The following STK39 variants were observed in gnomAD, a reference collection of about 807,000 sequenced individuals.
STK39 encodes the protein STE20/SPS1-related proline-alanine-rich protein kinase.
STK39 carries 20 observed loss-of-function variants against 77.8 expected under a neutral mutation model. The ratio of observed to expected loss-of-function variants is 0.26; its 90% CI spans 0.18 to 0.37. The LOEUF (loss-of-function observed/expected upper bound fraction) is 0.37. Ranked by LOEUF, STK39 falls within the 10% of genes least tolerant of loss-of-function variation. STK39 has a pLI of 1.00. For synonymous variants in STK39, 246 were observed against 234.1 expected (o/e 1.05, Z -0.47); for missense variants, 479 against 656.5 (o/e 0.73, Z 2.95).
chr2:168,172,922 C>T (rs1487555888), intron 2 of STK39, among the ~76,000 whole-genome samples: 1 of 152,170 alleles, frequency 6.6e-6, no homozygotes, highest in East Asian at 1.9e-4. Context: ...ATTGAAATCA[C>T]CTGGGGAGCT....
chr2:168,240,141 AGAAG>A (rs1690723436), intron 1 of STK39, among the ~76,000 whole-genome samples: 1 of 152,232 alleles, frequency 6.6e-6, no homozygotes, highest in Non-Finnish European at 1.5e-5. Flanking sequence ...AATCTTGCCT[AGAAG>A]AGGCATTTCA....
chr2:168,196,524 C>T (rs763802756), intron 1 of STK39, among the ~76,000 whole-genome samples: 5 of 152,082 alleles, frequency 3.3e-5, no homozygotes, highest in Admixed American at 6.5e-5. Flanking sequence ...ATTAGCAGGG[C>T]GGATGCCTGT....
At chr2:168,215,440 A>C (rs546842134) in intron 1 of STK39, among the ~76,000 whole-genome samples, 1 of 152,338 alleles carries the variant, frequency 6.6e-6, no homozygotes, top group African/African-American at 2.4e-5. Flanking sequence ...GAATTAGTTC[A>C]GAGAATACAC....
rs142014892 is a variant in STK39, at chr2:168,233,680, T to C, written c.208+13548A>G. Among the ~76,000 whole-genome samples the C allele has an allele frequency of 8.1e-3, 1,238 of 152,318 alleles. 15 individuals are homozygous for C. Among genetic ancestry groups the C allele is most frequent in the African/African-American group, 0.023 (952 of 41,554 alleles). On this transcript the variant is annotated intron_variant, in intron 1 of 17. Coordinates refer to ENST00000355999, the MANE Select transcript of STK39 (RefSeq NM_013233.3). ...TCACCGTTTAAGTGACTGAAATTAA[T>C]TTTGGTACTATTTTTCCTAATTAGG...
At chr2:168,197,889 T>C (rs1689511975) in intron 1 of STK39, among the ~76,000 whole-genome samples, 1 of 151,722 alleles carries the variant, frequency 6.6e-6, no homozygotes, top group Admixed American at 6.6e-5. Context: ...TACAAAAAAA[T>C]TAGCCAGGCA....
chr2:168,101,745 AT>A (rs1200582502), intron 10 of STK39, among the ~76,000 whole-genome samples: 1 of 152,224 alleles, frequency 6.6e-6, no homozygotes, highest in Non-Finnish European at 1.5e-5. Flanking sequence ...CTCAAAAAAA[AT>A]AAAAACAAAA....
chr2:168,038,456 A>T (rs1436623874), intron 14 of STK39, among the ~76,000 whole-genome samples: 1 of 151,556 alleles, frequency 6.6e-6, no homozygotes, highest in Non-Finnish European at 1.5e-5. Context: ...ATTTAAAAAA[A>T]AAAACCCTCA....
At chr2:168,073,595 C>G (rs1216333787) in intron 12 of STK39, among the ~76,000 whole-genome samples, 2 of 152,062 alleles carry the variant, frequency 1.3e-5, no homozygotes, top group African/African-American at 4.8e-5. Flanking sequence ...CACCCCTGCT[C>G]CTAACAAAGG....
intron 4 of STK39, 38 bp from the exon 5 acceptor site, chr2:168,161,880 C>T: frequency 6.6e-7 from 1 of 1,513,600 alleles, no homozygotes; most frequent in Non-Finnish European, 9.1e-7. Flanking sequence ...TTGTAGGGTA[C>T]AGACTTTATA....
intron 1 of STK39, among the ~76,000 whole-genome samples, chr2:168,235,007 T>G (rs1690561187): frequency 1.3e-5 from 2 of 151,804 alleles, no homozygotes; most frequent in South Asian, 2.1e-4. Flanking sequence ...AAAAAAAATT[T>G]TAGTAGTACC....
chr2:168,056,709 T>C (rs1472610940), intron 14 of STK39, among the ~76,000 whole-genome samples: 1 of 152,206 alleles, frequency 6.6e-6, no homozygotes, highest in Non-Finnish European at 1.5e-5. Context: ...TACATGTAGA[T>C]ATGTATATGT....
intron 14 of STK39, among the ~76,000 whole-genome samples, chr2:168,042,577 C>CTTTTTTTTT (rs540413448): frequency 3.8e-5 from 5 of 133,018 alleles, no homozygotes; most frequent in African/African-American, 8.3e-5. Flanking sequence ...TTCCTTCCTT[C>CTTTTTTTTT]TTTTTTTTTT....
intron 5 of STK39, among the ~76,000 whole-genome samples, chr2:168,142,995 TA>T (rs1688035678): frequency 6.6e-6 from 1 of 152,220 alleles, no homozygotes; most frequent in Admixed American, 6.5e-5. Flanking sequence ...GGCAGAACTG[TA>T]ACAGTGAAAA....
chr2:168,141,320 A>T (rs1172803648), intron 5 of STK39, among the ~76,000 whole-genome samples: 1 of 152,208 alleles, frequency 6.6e-6, no homozygotes, highest in East Asian at 1.9e-4. Flanking sequence ...CTTGCATTAT[A>T]TACTAAACTA....
At chr2:168,218,629 AAC>A (rs1474003338) in intron 1 of STK39, among the ~76,000 whole-genome samples, 1 of 152,210 alleles carries the variant, frequency 6.6e-6, no homozygotes, top group Non-Finnish European at 1.5e-5. Context: ...ACAAAATCGA[AAC>A]AGTGTCACAT....
intron 15 of STK39, among the ~76,000 whole-genome samples, chr2:168,016,024 T>C (rs962818081): frequency 1.3e-5 from 2 of 152,188 alleles, no homozygotes; most frequent in African/African-American, 4.8e-5. Flanking sequence ...GCCTCCCAGG[T>C]TCAAGTGATT....
chr2:168,170,964 T>TA (rs1262976426), intron 2 of STK39, among the ~76,000 whole-genome samples: 1 of 152,126 alleles, frequency 6.6e-6, no homozygotes, highest in Non-Finnish European at 1.5e-5. Flanking sequence ...TGGGAGAAAC[T>TA]ACAGAACTCT....
At chr2:167,985,370 C>T (rs569381808) in intron 16 of STK39, among the ~76,000 whole-genome samples, 5 of 152,140 alleles carry the variant, frequency 3.3e-5, no homozygotes, top group South Asian at 4.1e-4. Flanking sequence ...CACACAACAT[C>T]GCATGAATAA....
At chr2:168,031,573 T>G (rs1156727498) in intron 14 of STK39, among the ~76,000 whole-genome samples, 1 of 152,112 alleles carries the variant, frequency 6.6e-6, no homozygotes, top group Admixed American at 6.5e-5. Context: ...AAAGAGGTAA[T>G]TAAAGTTAAG....
Sources: gnomAD v4.1 joint callset for allele counts (sites outside exome capture counted in the v4.1 genomes callset) on GRCh38, gnomAD v4.1.1 for gene constraint, MANE v1.5 for transcripts, NCBI Gene and HGNC (gene_info 2026-07-23, HGNC 2026-07-21) for gene names.